Variants in SCRN1 observed in about 807,000 individuals in gnomAD.
The protein encoded by SCRN1 is secernin-1.
A neutral mutation model predicts 43.3 loss-of-function variants in SCRN1; 19 were observed. That is an observed-to-expected ratio of 0.44 (90% CI 0.31 to 0.64). The LOEUF is 0.64. Among genes scored for constraint, SCRN1 ranks in the 30% least tolerant of loss-of-function variants. SCRN1 has a pLI of 0.09. For synonymous variants in SCRN1, 183 were observed against 188.9 expected (o/e 0.97, Z 0.26); for missense variants, 447 against 524.1 (o/e 0.85, Z 1.44).
At chr7:29,968,119 T>C (rs1294322138) in intron 2 of SCRN1, among the ~76,000 whole-genome samples, 11 of 152,266 alleles carry the variant, frequency 7.2e-5, no homozygotes, top group Admixed American at 7.2e-4. Flanking sequence ...TGGATAATGT[T>C]TTATTATGAT....
intron 4 of SCRN1, among the ~76,000 whole-genome samples, chr7:29,941,554 G>C (rs372297455): frequency 6.6e-6 from 1 of 152,128 alleles, no homozygotes; most frequent in Non-Finnish European, 1.5e-5. Context: ...GCACACATGC[G>C]TGTGAGTGTG....
intron 2 of SCRN1, among the ~76,000 whole-genome samples, chr7:29,962,562 C>T (rs902622413): frequency 5.3e-5 from 8 of 152,216 alleles, no homozygotes; most frequent in Admixed American, 1.3e-4. Context: ...GTGGCACATG[C>T]CTGTAATCCC....
chr7:29,939,642 A>C (rs1158273488), intron 5 of SCRN1, among the ~76,000 whole-genome samples: 1 of 152,254 alleles, frequency 6.6e-6, no homozygotes, highest in Admixed American at 6.5e-5. Flanking sequence ...GCTACAGTCC[A>C]ATAAAATTTT....
intron 1 of SCRN1, among the ~76,000 whole-genome samples, chr7:29,985,999 C>T (rs567696322): frequency 2.6e-5 from 4 of 152,340 alleles, no homozygotes; most frequent in Admixed American, 6.5e-5. Context: ...CTTTGGGAGG[C>T]CGAGGCGGGC....
chr7:29,923,879 A>G lies in SCRN1; in HGVS notation c.*78T>C, dbSNP rs1786851105. ...ATATTAACTTTCTCATTTTACTCAAACAGGAGAGTGGTTTGTTTTGCTGGT... is the reference window on the plus strand; with the variant it reads ...ATATTAACTTTCTCATTTTACTCAAGCAGGAGAGTGGTTTGTTTTGCTGGT... On this transcript the variant is annotated 3_prime_UTR_variant, in exon 8 of 8. Transcript: ENST00000242059. The G allele has an allele frequency of 8.9e-6, 13 of 1,454,404 alleles. No homozygotes were observed. Among genetic ancestry groups the G allele is most frequent in the Non-Finnish European group, 1.2e-5 (13 of 1,073,904 alleles). The allele number at this position is 1,454,404 out of a possible 1,614,324, so 90.1% of individuals were successfully genotyped here.
intron 6 of SCRN1, among the ~76,000 whole-genome samples, chr7:29,931,297 TATTC>T (rs765542525): frequency 2.0e-5 from 3 of 152,254 alleles, no homozygotes; most frequent in Non-Finnish European, 4.4e-5. Flanking sequence ...ATGGTACTCT[TATTC>T]ATTCATTCAT....
chr7:29,962,304 A>G (rs1386413385), intron 2 of SCRN1, among the ~76,000 whole-genome samples: 1 of 149,336 alleles, frequency 6.7e-6, no homozygotes, highest in Admixed American at 6.7e-5. Context: ...ATTATATAAT[A>G]GAGGGTTATA....
In SCRN1 at chr7:29,926,556, C is replaced by T. The variant is rs1237449749; in HGVS notation, c.982G>A (p.Asp328Asn). ...CGAGGCTCCTTTTTGGCAGGGTCGT[C>T]ATCCCCAAAACAGGGAGACTGTGTT... Reference protein sequence around the residue: ...PKTQSPCFGDDDPAKKEPRFQ... With the variant: ...PKTQSPCFGDNDPAKKEPRFQ... The change falls in exon 7 of 8, where the codon GAC (aspartate) becomes AAC (asparagine). Residue 328 changes from aspartate (D) to asparagine (N), a missense_variant. Physicochemically the swap from Asp to Asn is conservative, Grantham distance 23. Transcript: ENST00000242059. 2 of 1,614,152 alleles carry T rather than the reference C, an allele frequency of 1.2e-6. No homozygotes were observed. Among genetic ancestry groups the T allele is most frequent in the Non-Finnish European group, 1.7e-6 (2 of 1,180,042 alleles).
intron 6 of SCRN1, among the ~76,000 whole-genome samples, chr7:29,934,541 AG>A (rs1583654527): frequency 6.6e-6 from 1 of 152,220 alleles, no homozygotes; most frequent in Admixed American, 6.5e-5. Flanking sequence ...GTCATCCAGC[AG>A]GGTCCTCACA....
In SCRN1 at chr7:29,968,899, C is replaced by T. The variant is rs1788580001; in HGVS notation, c.159+10G>A. Reference sequence around the variant, plus strand: ...GAGTGTGACTCGCGAGACTGCAATGCACGGCTTACCTCAACCTTGCTCTCC... The same window carrying T: ...GAGTGTGACTCGCGAGACTGCAATGTACGGCTTACCTCAACCTTGCTCTCC... On this transcript the variant is annotated intron_variant, in intron 2 of 7. Transcript: ENST00000242059. 1 of 1,614,128 alleles carries T rather than the reference C, an allele frequency of 6.2e-7. No individual in the cohort carries two copies. Among genetic ancestry groups the T allele is most frequent in the East Asian group, 2.2e-5 (1 of 44,876 alleles).
chr7:29,966,860 G>A (rs746500900), intron 2 of SCRN1, among the ~76,000 whole-genome samples: 19 of 152,084 alleles, frequency 1.2e-4, no homozygotes, highest in Non-Finnish European at 2.8e-4. Context: ...AAAGTAAGCA[G>A]CCCCTCATAG....
intron 6 of SCRN1, among the ~76,000 whole-genome samples, chr7:29,928,889 T>C (rs1376294375): frequency 6.6e-6 from 1 of 152,310 alleles, no homozygotes; most frequent in Non-Finnish European, 1.5e-5. Flanking sequence ...CTATATGAAA[T>C]TGAATTCTTT....
At chr7:29,932,651 C>CAAAAAAAAAAAAAAAAAAA (rs1162835669) in intron 6 of SCRN1, among the ~76,000 whole-genome samples, 1 of 8,048 alleles carries the variant, frequency 1.2e-4, no homozygotes, top group African/African-American at 4.2e-4. Flanking sequence ...GATTCCATCT[C>CAAAAAAAAAAAAAAAAAAA]AAAAAAAAAA....
chr7:29,942,056 A>G (rs1787573816), intron 4 of SCRN1, among the ~76,000 whole-genome samples: 1 of 152,232 alleles, frequency 6.6e-6, no homozygotes, highest in African/African-American at 2.4e-5. Flanking sequence ...GCTGGTAGGC[A>G]TTGGTCCTTT....
At chr7:29,975,054 T>C (rs1173619352) in intron 1 of SCRN1, among the ~76,000 whole-genome samples, 1 of 152,210 alleles carries the variant, frequency 6.6e-6, no homozygotes, top group Non-Finnish European at 1.5e-5. Flanking sequence ...TTTTCTCCTT[T>C]TCCTTTATAA....
At chr7:29,967,335 A>G (rs569166162) in intron 2 of SCRN1, among the ~76,000 whole-genome samples, 9 of 152,270 alleles carry the variant, frequency 5.9e-5, no homozygotes, top group Admixed American at 3.3e-4. Context: ...ACAAAATTTA[A>G]TATCTATTCT....
At chr7:29,932,651 C>CAAAAAAAAAAAAAAAAAA (rs1162835669) in intron 6 of SCRN1, among the ~76,000 whole-genome samples, 2 of 8,048 alleles carry the variant, frequency 2.5e-4, no homozygotes, top group African/African-American at 4.2e-4. Context: ...GATTCCATCT[C>CAAAAAAAAAAAAAAAAAA]AAAAAAAAAA....
Position 29,950,311 on chromosome 7 carries a change from C to T in SCRN1, c.341+4868G>A, listed in dbSNP as rs749047911. On this transcript the variant is annotated intron_variant, in intron 3 of 7. Coordinates refer to ENST00000242059, the MANE Select transcript of SCRN1 (RefSeq NM_014766.5). This position sits in a 1 kb window ranked among gnomAD's most constrained non-coding sequence, Gnocchi z 4.5. ...TGGTGCTGACACACCAGCCCCCTGC[C>T]GCCTCGGGCTTCTCCAGACTTTGGG... Among the ~76,000 whole-genome samples the T allele has an allele frequency of 1.3e-4, 20 of 152,294 alleles. No individual in the cohort carries two copies. The highest frequency in any genetic ancestry group is 6.2e-4 in the South Asian group (3 of 4,822).
At chr7:29,955,718 A>T (rs1330285907) in intron 2 of SCRN1, among the ~76,000 whole-genome samples, 5 of 152,164 alleles carry the variant, frequency 3.3e-5, no homozygotes, top group Admixed American at 3.3e-4. Flanking sequence ...CCCTACCTTC[A>T]AAAGAAACTT....
Sources: gnomAD v4.1 joint callset for allele counts (sites outside exome capture counted in the v4.1 genomes callset) on GRCh38, gnomAD v4.1.1 for gene constraint, Gnocchi (gnomAD v3.1) non-coding constraint, MANE v1.5 for transcripts, NCBI Gene and HGNC (gene_info 2026-07-23, HGNC 2026-07-21) for gene names.